CLEC2B: variants seen among roughly 807,000 people sequenced by gnomAD.
CLEC2B encodes C-type lectin domain family 2 member B, also known as C-type (calcium dependent, carbohydrate-recognition domain) lectin, superfamily member 2 (activation-induced).
In CLEC2B, 14 loss-of-function variants were observed where a neutral mutation model predicts 16.2. The observed-to-expected ratio is 0.86, with a 90% CI of 0.57 to 1.35. The LOEUF (loss-of-function observed/expected upper bound fraction) is 1.35. Ranked by LOEUF, CLEC2B falls within the 40% of genes most tolerant of loss-of-function variation. The probability of loss-of-function intolerance (pLI) is 0.00; values close to 1 mark genes in which losing one functional copy is unlikely to be tolerated. For missense variants in CLEC2B, 166 were observed against 182.3 expected, an observed-to-expected ratio of 0.91 and a Z score of 0.52; for synonymous variants, 42 against 55.8, an observed-to-expected ratio of 0.75 and a Z score of 1.10.
At chr12:9,854,615 C>T in intron 3 of CLEC2B, 131 bp from the exon 4 acceptor site, 1 of 566,942 alleles carries the variant, frequency 1.8e-6, no homozygotes, top group Middle Eastern at 2.9e-4. Context: ...TAGAAAATAG[C>T]TATGGAGTTT....
rs1867855828 is a variant in CLEC2B at position 9,852,724 on chromosome 12, GATCTCCTCCTCAC to G, written c.*563_*575del. 6.6e-6 allele frequency among the ~76,000 whole-genome samples: 1 copy of G among 152,040 alleles called. No individual in the cohort carries two copies. Among genetic ancestry groups the G allele is most frequent in the Non-Finnish European group, 1.5e-5 (1 of 68,004 alleles). ...CAGTTAGCAAACACATACGGTGTGT[GATCTCCTCCTCAC>G]CTTCACTCTTAAAGCCCCACCCCCC... On this transcript the variant is annotated 3_prime_UTR_variant, in exon 5 of 5. Coordinates refer to ENST00000228438, the MANE Select transcript of CLEC2B (RefSeq NM_005127.3).
At chr12:9,853,974 A>G (rs977301144) in intron 4 of CLEC2B, among the ~76,000 whole-genome samples, 5 of 152,224 alleles carry the variant, frequency 3.3e-5, no homozygotes, top group Non-Finnish European at 2.9e-5. Context: ...GACAAACTGC[A>G]TAACAGTGAA....
At chr12:9,854,556 T>A (rs1457594051) in intron 3 of CLEC2B, 72 bp from the exon 4 acceptor site, 1 of 999,284 alleles carries the variant, frequency 1.0e-6, no homozygotes, top group Non-Finnish European at 1.6e-6. Context: ...ACCTCTTGTT[T>A]CGTAGGTTGT....
intron 2 of CLEC2B, among the ~76,000 whole-genome samples, chr12:9,860,344 T>C (rs561233037): frequency 2.0e-5 from 3 of 151,894 alleles, no homozygotes; most frequent in Non-Finnish European, 4.4e-5. Context: ...TAAATTTATA[T>C]AGATAATTTT....
intron 2 of CLEC2B, among the ~76,000 whole-genome samples, chr12:9,860,852 T>C (rs1591769423): frequency 1.3e-5 from 2 of 151,738 alleles, no homozygotes; most frequent in South Asian, 4.1e-4. Context: ...TGCAGTTGAG[T>C]AGGGAAAGTA....
rs1243827648 is a variant in CLEC2B, at chr12:9,852,539, G to C, written c.*761C>G. On this transcript the variant is annotated 3_prime_UTR_variant, in exon 5 of 5. Coordinates refer to ENST00000228438, the MANE Select transcript of CLEC2B (RefSeq NM_005127.3). ...TTACAACAGGTAGTTTTAGCAACTA[G>C]GTTTGTAGAGAATTATATTTTGAAG... 6.6e-6 allele frequency among the ~76,000 whole-genome samples: 1 copy of C among 152,130 alleles called. No homozygotes were observed. The highest frequency in any genetic ancestry group is 1.5e-5 in the Non-Finnish European group (1 of 68,028).
intron 1 of CLEC2B, among the ~76,000 whole-genome samples, chr12:9,863,754 A>G (rs1055359218): frequency 2.0e-5 from 3 of 152,126 alleles, no homozygotes; most frequent in African/African-American, 7.2e-5. Flanking sequence ...ACACAAGGAA[A>G]GGAGAAAAAA....
At chr12:9,864,163 GAAAA>G (rs34581887) in intron 1 of CLEC2B, among the ~76,000 whole-genome samples, 3 of 141,858 alleles carry the variant, frequency 2.1e-5, no homozygotes, top group Non-Finnish European at 4.6e-5. Flanking sequence ...TTTAAGTGCT[GAAAA>G]AAAAAAAAAA....
intron 1 of CLEC2B, chr12:9,866,892 G>A (rs1457199409): frequency 2.6e-5 from 4 of 152,146 alleles, no homozygotes; most frequent in Non-Finnish European, 5.9e-5. Flanking sequence ...GACAATATGA[G>A]AAATGACAAT....
intron 3 of CLEC2B, chr12:9,854,714 T>C: frequency 2.0e-6 from 1 of 499,034 alleles, no homozygotes; most frequent in Non-Finnish European, 3.5e-6. Flanking sequence ...TGATTCCAAA[T>C]TGATAAATGT....
At chr12:9,860,495 T>A (rs1238908972) in intron 2 of CLEC2B, among the ~76,000 whole-genome samples, 1 of 151,748 alleles carries the variant, frequency 6.6e-6, no homozygotes, top group African/African-American at 2.4e-5. Flanking sequence ...AACTAAAAAA[T>A]TGCTGGCAGA....
chr12:9,856,868 T>C (rs566892396), intron 3 of CLEC2B: 15 of 152,186 alleles, frequency 9.9e-5, no homozygotes, highest in African/African-American at 3.4e-4. Flanking sequence ...TCTTTACTCA[T>C]AGAGATTTTG....
chr12:9,854,733 A>AAT (rs1197268130), intron 3 of CLEC2B: 20 of 496,216 alleles, frequency 4.0e-5, no homozygotes, highest in Non-Finnish European at 5.7e-5. Flanking sequence ...GTTCAATTTG[A>AAT]ATATCTATTC....
At chr12:9,854,266 C>T in intron 4 of CLEC2B, 115 bp downstream of exon 4, 1 of 616,018 alleles carries the variant, frequency 1.6e-6, no homozygotes, top group South Asian at 2.3e-5. Flanking sequence ...ATCCCCCCTC[C>T]ATCTTTCTAA....
rs371531429 is a variant in CLEC2B at position 9,866,615 on chromosome 12, T to C, written c.-3+2590A>G. Among the ~76,000 whole-genome samples the C allele has an allele frequency of 2.2e-4, 34 of 152,270 alleles. No homozygotes were observed. In the East Asian group the frequency reaches 4.0e-3, roughly 18 times the overall value. On this transcript the variant is annotated intron_variant, in intron 1 of 4. Coordinates refer to ENST00000228438, the MANE Select transcript of CLEC2B (RefSeq NM_005127.3). Reference sequence around the variant, plus strand: ...AATTATTTTGTGTGTGTTAAGAGTGTAAAGATTATTTACATTTGCAGCAAG... The same window carrying C: ...AATTATTTTGTGTGTGTTAAGAGTGCAAAGATTATTTACATTTGCAGCAAG...
intron 1 of CLEC2B, among the ~76,000 whole-genome samples, chr12:9,866,436 C>G (rs555785098): frequency 6.7e-6 from 1 of 150,298 alleles, no homozygotes; most frequent in East Asian, 2.0e-4. Flanking sequence ...ATCCTATACT[C>G]TTCATCCATT....
intron 1 of CLEC2B, among the ~76,000 whole-genome samples, chr12:9,864,502 A>G (rs1867956592): frequency 6.6e-6 from 1 of 152,264 alleles, no homozygotes; most frequent in Non-Finnish European, 1.5e-5. Flanking sequence ...TGCAGAAACC[A>G]GTTAAGAGGT....
At chr12:9,860,789 A>C (rs928631768) in intron 2 of CLEC2B, among the ~76,000 whole-genome samples, 6 of 151,948 alleles carry the variant, frequency 3.9e-5, no homozygotes, top group African/African-American at 1.4e-4. Context: ...ATGTAATAAA[A>C]TTTTAGCAAA....
At chr12:9,854,335 G>T (rs374380742) in intron 4 of CLEC2B, 46 bp downstream of exon 4, 1 of 1,265,012 alleles carries the variant, frequency 7.9e-7, no homozygotes. Flanking sequence ...CCTAGAGAAG[G>T]CTGCACTATC....
Sources: gnomAD v4.1 joint callset for allele counts (sites outside exome capture counted in the v4.1 genomes callset) on GRCh38, gnomAD v4.1.1 for gene constraint, MANE v1.5 for transcripts, NCBI Gene and HGNC (gene_info 2026-07-23, HGNC 2026-07-21) for gene names.